The following ZNF451 variants were observed in gnomAD, a reference collection of about 807,000 sequenced individuals.
The protein encoded by ZNF451 is E3 SUMO-protein ligase ZNF451.
In ZNF451, 80 loss-of-function variants were observed where a neutral mutation model predicts 107.1. That is an observed-to-expected ratio of 0.75 (90% CI 0.62 to 0.90). ZNF451 has a LOEUF of 0.90. Among genes scored for constraint, ZNF451 ranks in the 40% least tolerant of loss-of-function variants. The pLI is 0.00. For missense variants in ZNF451, 1,107 were observed against 1,236.2 expected, an observed-to-expected ratio of 0.90 and a Z score of 1.57; for synonymous variants, 362 against 406.5, an observed-to-expected ratio of 0.89 and a Z score of 1.32.
intron 9 of ZNF451, among the ~76,000 whole-genome samples, chr6:57,145,656 A>G (rs1205176187): frequency 6.6e-6 from 1 of 152,144 alleles, no homozygotes. Context: ...ACTCAGTAGT[A>G]TTCCATGGTA....
At chr6:57,121,745 G>GA (rs911010705) in intron 3 of ZNF451, among the ~76,000 whole-genome samples, 1 of 152,146 alleles carries the variant, frequency 6.6e-6, no homozygotes, top group Non-Finnish European at 1.5e-5. Flanking sequence ...CAAGCAAATG[G>GA]AAAAACATTC....
At chr6:57,102,200 C>A in intron 3 of ZNF451, 5 of 1,425,032 alleles carry the variant, frequency 3.5e-6, no homozygotes, top group Non-Finnish European at 4.6e-6. Flanking sequence ...ATCTCAAAAA[C>A]TGGATGCATG....
rs1393742821 is a variant in ZNF451, at chr6:57,152,493, A to G, written c.2883+142A>G. ...ATGACTATTATGAAGGCAGGACCCC[A>G]TAGCATATTTTTATTGCTTTATCCT... On this transcript the variant is annotated intron_variant, in intron 12 of 14. Coordinates refer to ENST00000370706, the MANE Select transcript of ZNF451 (RefSeq NM_001031623.3). The G allele has an allele frequency of 5.3e-6, 5 of 935,288 alleles. No homozygotes were observed. The Admixed American group carries it at 7.3e-5, about 14-fold the overall frequency. 57.9% of individuals were successfully genotyped at this position (935,288 alleles called of 1,614,324 possible).
At chr6:57,154,559 T>C (rs1053317031) in intron 13 of ZNF451, 5 of 156,890 alleles carry the variant, frequency 3.2e-5, no homozygotes, top group East Asian at 1.9e-4. Flanking sequence ...CTTTCTTCTG[T>C]ACCTTTGTGA....
At chr6:57,109,149 T>C in intron 3 of ZNF451, 2 of 985,476 alleles carry the variant, frequency 2.0e-6, no homozygotes, top group Non-Finnish European at 2.4e-6. Flanking sequence ...AGTTCTCCCA[T>C]TGAGATTTCA....
At chr6:57,155,951 T>C (rs1390652130) in intron 13 of ZNF451, among the ~76,000 whole-genome samples, 2 of 151,938 alleles carry the variant, frequency 1.3e-5, no homozygotes, top group Non-Finnish European at 2.9e-5. Context: ...AAGAAGGATA[T>C]GGGCTTTGGT....
At chr6:57,118,622 A>G (rs1830483595) in intron 3 of ZNF451, among the ~76,000 whole-genome samples, 1 of 151,788 alleles carries the variant, frequency 6.6e-6, no homozygotes, top group Non-Finnish European at 1.5e-5. Flanking sequence ...AGCTAAGACT[A>G]TAGGCACATG....
At chr6:57,126,807 T>G (rs564600254) in intron 4 of ZNF451, among the ~76,000 whole-genome samples, 2 of 152,098 alleles carry the variant, frequency 1.3e-5, no homozygotes, top group Non-Finnish European at 2.9e-5. Flanking sequence ...GGTGGCTAAT[T>G]TTAGGATGAT....
At position 57,138,791 on chromosome 6, in the gene ZNF451, AAT is replaced by A. The variant is rs1562615808; in HGVS notation, c.703-2510_703-2509del. On this transcript the variant is annotated intron_variant, in intron 7 of 14. Coordinates refer to ENST00000370706, the MANE Select transcript of ZNF451 (RefSeq NM_001031623.3). ...TGTGTGTGTGTATATATATATATAA[AAT>A]TTTTTTTTTTTTTTTGAGAGAGAGG... is the stretch of plus-strand genomic sequence containing the variant. Among the ~76,000 whole-genome samples the A allele has an allele frequency of 3.1e-3, 223 of 72,384 alleles. 1 individual carries two copies. Among genetic ancestry groups the A allele is most frequent in the African/African-American group, 9.0e-3 (204 of 22,578 alleles). 47.5% of individuals were successfully genotyped at this position (72,384 alleles called of 152,430 possible). A position where few individuals can be genotyped will look rare whatever the true frequency, so the allele number is the denominator to read the frequency against.
intron 10 of ZNF451, among the ~76,000 whole-genome samples, chr6:57,149,739 G>T (rs550935682): frequency 6.6e-6 from 1 of 152,076 alleles, no homozygotes; most frequent in East Asian, 1.9e-4. Flanking sequence ...CAGTGGTAAA[G>T]AATTAAATCA....
At position 57,124,393 on chromosome 6, in the gene ZNF451, T is replaced by C. The variant is rs1830812801; in HGVS notation, c.187-341T>C. 8.4e-6 allele frequency: 6 copies of C among 712,228 alleles called. 1 individual carries two copies. Among genetic ancestry groups the C allele is most frequent in the South Asian group, 7.4e-5 (5 of 67,562 alleles). 44.1% of individuals were successfully genotyped at this position (712,228 alleles called of 1,614,324 possible). On this transcript the variant is annotated intron_variant, in intron 3 of 14. Coordinates refer to ENST00000370706, the MANE Select transcript of ZNF451 (RefSeq NM_001031623.3). ...AGGTTTCTGCTTTAGTAAGTCGATG[T>C]TCTTTATTTACCTCTCTCTCTCTCT...
At chr6:57,109,843 T>C in intron 3 of ZNF451, 1 of 509,480 alleles carries the variant, frequency 2.0e-6, no homozygotes, top group Non-Finnish European at 2.5e-6. Flanking sequence ...TGTTATTTCA[T>C]ATCTGTGTTG....
At chr6:57,115,496 T>C (rs1830325986) in intron 3 of ZNF451, 1 of 152,220 alleles carries the variant, frequency 6.6e-6, no homozygotes, top group Admixed American at 6.5e-5. Context: ...TCGTCAGGTG[T>C]AACCAGTATC....
At chr6:57,136,614 G>T (rs559336789) in intron 7 of ZNF451, among the ~76,000 whole-genome samples, 16 of 152,218 alleles carry the variant, frequency 1.1e-4, no homozygotes, top group Non-Finnish European at 2.2e-4. Context: ...ACTGCATTCC[G>T]TACTTTAGGG....
intron 4 of ZNF451, 134 bp downstream of exon 4, chr6:57,124,993 G>T: frequency 2.3e-6 from 1 of 437,426 alleles, no homozygotes; most frequent in East Asian, 4.5e-5. Context: ...CATGAATTTA[G>T]TAGTAATTCA....
chr6:57,132,936 T>C, intron 5 of ZNF451, 106 bp from the exon 6 acceptor site: 1 of 1,085,676 alleles, frequency 9.2e-7, no homozygotes, highest in Non-Finnish European at 1.3e-6. Flanking sequence ...CATCATCCAG[T>C]TGATGCTATG....
Position 57,161,117 on chromosome 6 carries a change from A to G in ZNF451, c.3104A>G (p.Asn1035Ser). ...CDSDDNMGAK[N>S]TSIGEEFIST... is the part of the protein sequence containing the mutation. ...AGTGATGATAACATGGGTGCCAAAA[A>G]TACTTCAATAGGAGAAGAATTTATA... Residue 1035 changes from asparagine (N) to serine (S), a missense_variant, in exon 14 of 15, where the codon AAT (asparagine) becomes AGT (serine). Physicochemically the swap from Asn to Ser is conservative, Grantham distance 46 (BLOSUM62 1). This residue lies in a region of ZNF451 where 151 missense variants were observed against 173.3 expected (regional missense o/e 0.87). Transcript: ENST00000370706. The G allele has an allele frequency of 6.4e-7, 1 of 1,562,968 alleles. No individual in the cohort carries two copies. Among genetic ancestry groups the G allele is most frequent in the South Asian group, 1.2e-5 (1 of 81,716 alleles).
At chr6:57,152,012 G>A in intron 11 of ZNF451, 1 of 464,702 alleles carries the variant, frequency 2.2e-6, no homozygotes, top group Non-Finnish European at 3.8e-6. Context: ...TTTAAGATGA[G>A]TTGACAGATT....
At chr6:57,116,282 GGTGCTGTGGCTTACGCCACAGCACTTT>G in intron 3 of ZNF451, 1 of 152,252 alleles carries the variant, frequency 6.6e-6, no homozygotes, top group Non-Finnish European at 1.5e-5. Flanking sequence ...GTATGGGCAG[GGTGCTGTGGCTTACGCCACAGCACTTT>G]GGAAGGCTGA....
Sources: allele counts gnomAD v4.1 joint callset (sites outside exome capture counted in the v4.1 genomes callset), GRCh38; gene constraint gnomAD v4.1.1; regional missense constraint gnomAD v4.1.1; transcripts MANE v1.5; gene names NCBI Gene and HGNC (gene_info 2026-07-23, HGNC 2026-07-21).